The following CTNNA3 variants were observed in gnomAD, a reference collection of about 807,000 sequenced individuals.
CTNNA3 encodes catenin alpha-3.
CTNNA3 carries 76 observed loss-of-function variants against 95.7 expected under a neutral mutation model. The observed-to-expected ratio is 0.79, with a 90% CI of 0.66 to 0.96. CTNNA3 has a LOEUF of 0.96. Among genes scored for constraint, CTNNA3 ranks in the 40% least tolerant of loss-of-function variants. CTNNA3 has a pLI of 0.00. For missense variants in CTNNA3, 1,191 were observed against 1,089.8 expected (o/e 1.09, Z -1.31); for synonymous variants, 431 against 374.4 (o/e 1.15, Z -1.74).
At chr10:67,628,242 GT>G (rs1269952715) in intron 2 of CTNNA3, among the ~76,000 whole-genome samples, 4 of 145,886 alleles carry the variant, frequency 2.7e-5, no homozygotes, top group African/African-American at 1.1e-4. Flanking sequence ...CACATTTTGA[GT>G]AAACTGCAAA....
chr10:66,113,951 G>T (rs1200288606), intron 13 of CTNNA3, among the ~76,000 whole-genome samples: 2 of 151,994 alleles, frequency 1.3e-5, no homozygotes, highest in African/African-American at 4.8e-5. Context: ...TTGAAACCAT[G>T]CAATAATAAT....
At position 66,790,371 on chromosome 10, in the gene CTNNA3, G is replaced by T. The variant is rs569466943; in HGVS notation, c.1048-14847C>A. Among the ~76,000 whole-genome samples, 247 of 152,088 alleles carry T rather than the reference G, an allele frequency of 1.6e-3. 1 individual carries two copies. The highest frequency in any genetic ancestry group is 5.6e-3 in the African/African-American group (233 of 41,514). On this transcript the variant is annotated intron_variant, in intron 7 of 17. Transcript: ENST00000433211. ...GACTGAGGAAGGAGAATCGCTTGAG[G>T]CAGAGGTTGCAGTGAGCCGAGATAA...
At chr10:66,077,891 AG>A (rs1400465192) in intron 14 of CTNNA3, among the ~76,000 whole-genome samples, 9 of 151,748 alleles carry the variant, frequency 5.9e-5, no homozygotes, top group East Asian at 3.9e-4. Flanking sequence ...TATATATTGA[AG>A]GGTTGGTAAA....
intron 7 of CTNNA3, among the ~76,000 whole-genome samples, chr10:66,924,316 A>G (rs148487663): frequency 6.6e-6 from 1 of 152,182 alleles, no homozygotes; most frequent in Non-Finnish European, 1.5e-5. Context: ...TTTATCAAAC[A>G]TCTCATCCTT....
At chr10:67,186,242 C>T (rs181417545) in intron 6 of CTNNA3, among the ~76,000 whole-genome samples, 2 of 152,176 alleles carry the variant, frequency 1.3e-5, no homozygotes, top group East Asian at 3.9e-4. Context: ...GTAAGTACTG[C>T]AAGAAAAAAC....
chr10:66,615,644 T>C (rs1205048280), intron 10 of CTNNA3, among the ~76,000 whole-genome samples: 2 of 151,986 alleles, frequency 1.3e-5, no homozygotes, highest in Non-Finnish European at 2.9e-5. Context: ...AAATATAAAG[T>C]AGTAAATATA....
At chr10:66,044,380 A>C (rs190595845) in intron 15 of CTNNA3, among the ~76,000 whole-genome samples, 5 of 152,228 alleles carry the variant, frequency 3.3e-5, no homozygotes, top group African/African-American at 9.6e-5. Flanking sequence ...ACAAATGCTT[A>C]TATTTATTTA....
rs59047669 is a variant in CTNNA3 at position 66,228,668 on chromosome 10, G to T, written c.1884+51802C>A. On this transcript the variant is annotated intron_variant, in intron 13 of 17. Coordinates refer to ENST00000433211, the MANE Select transcript of CTNNA3 (RefSeq NM_013266.4). ...ATATTAGGTCTATTTGGTCTATATT[G>T]CAGTTGAAGTTTGATGTTTCTTTGA... Among the ~76,000 whole-genome samples the T allele has an allele frequency of 1.8e-3, 281 of 152,134 alleles. 2 individuals are homozygous for T. The highest frequency in any genetic ancestry group is 6.6e-3 in the African/African-American group (274 of 41,538).
chr10:66,496,263 T>C (rs1437862899), intron 11 of CTNNA3, among the ~76,000 whole-genome samples: 1 of 152,126 alleles, frequency 6.6e-6, no homozygotes, highest in Non-Finnish European at 1.5e-5. Context: ...TTTTTAAAAT[T>C]CCGTAGTATA....
rs369544910 is a variant in CTNNA3, at chr10:67,235,769, A to T, written c.580-15899T>A. On this transcript the variant is annotated intron_variant, in intron 5 of 17. Transcript: ENST00000433211. ...AAAATTTTTGCAATCTACTCATCTG[A>T]CAAAGGGCTAATATCCAGAATCTAC... is the stretch of plus-strand genomic sequence containing the variant. Among the ~76,000 whole-genome samples, 883 of 144,436 alleles carry T rather than the reference A, an allele frequency of 6.1e-3. 41 individuals carry two copies. Among genetic ancestry groups the T allele is most frequent in the Middle Eastern group, 0.021 (6 of 290 alleles). The allele number at this position is 144,436 out of a possible 152,430, so 94.8% of individuals were successfully genotyped here.
At chr10:67,358,860 C>A (rs1271706120) in intron 5 of CTNNA3, among the ~76,000 whole-genome samples, 1 of 152,020 alleles carries the variant, frequency 6.6e-6, no homozygotes, top group Non-Finnish European at 1.5e-5. Context: ...GAGGTCTCCC[C>A]CAAGGCCCCA....
intron 13 of CTNNA3, among the ~76,000 whole-genome samples, chr10:66,266,223 C>T (rs1334455626): frequency 6.6e-6 from 1 of 151,492 alleles, no homozygotes; most frequent in African/African-American, 2.4e-5. Flanking sequence ...TAATCCCCTC[C>T]CTTGTATATT....
At chr10:66,309,930 TAAA>T (rs1354355693) in intron 12 of CTNNA3, among the ~76,000 whole-genome samples, 1 of 143,746 alleles carries the variant, frequency 7.0e-6, no homozygotes, top group Non-Finnish European at 1.5e-5. Context: ...AATAAATAAA[TAAA>T]TAAATAAATA....
chr10:66,034,455 C>A (rs1316763385), intron 15 of CTNNA3, among the ~76,000 whole-genome samples: 1 of 152,120 alleles, frequency 6.6e-6, no homozygotes, highest in Non-Finnish European at 1.5e-5. Flanking sequence ...ATTATACAGT[C>A]TCCAGTTCAA....
chr10:67,726,439 A>AATATTATATATTATATATT (rs1461778786), intron 1 of CTNNA3, among the ~76,000 whole-genome samples: 20 of 53,168 alleles, frequency 3.8e-4, no homozygotes, highest in Non-Finnish European at 4.4e-4. Flanking sequence ...TATCATATAT[A>AATATTATATATTATATATT]ATATATAATA....
intron 5 of CTNNA3, among the ~76,000 whole-genome samples, chr10:67,353,480 G>A (rs995327138): frequency 2.8e-4 from 13 of 46,494 alleles, no homozygotes; most frequent in Admixed American, 1.4e-3. Flanking sequence ...TGTTATGCAC[G>A]TTACATAGTC....
chr10:66,356,117 G>GTT (rs1275052192), intron 12 of CTNNA3, among the ~76,000 whole-genome samples: 51 of 104,704 alleles, frequency 4.9e-4, no homozygotes, highest in African/African-American at 1.7e-3. Flanking sequence ...TTGTTTGCTT[G>GTT]TTTTGTTTTT....
intron 13 of CTNNA3, among the ~76,000 whole-genome samples, chr10:66,246,024 G>A (rs1264977020): frequency 6.6e-6 from 1 of 152,202 alleles, no homozygotes; most frequent in East Asian, 1.9e-4. Context: ...CTGTGGGACT[G>A]GCAGCCCAGG....
At chr10:67,478,008 T>C (rs1237835257) in intron 5 of CTNNA3, among the ~76,000 whole-genome samples, 1 of 152,232 alleles carries the variant, frequency 6.6e-6, no homozygotes, top group African/African-American at 2.4e-5. Context: ...GCTTCTGGAA[T>C]TGAAAACTTG....
Sources: allele counts gnomAD v4.1 joint callset (sites outside exome capture counted in the v4.1 genomes callset), GRCh38; gene constraint gnomAD v4.1.1; transcripts MANE v1.5; gene names NCBI Gene and HGNC (gene_info 2026-07-23, HGNC 2026-07-21).